PCDHA3: variants seen among roughly 807,000 people sequenced by gnomAD.
PCDHA3 encodes the protein protocadherin alpha-3.
In PCDHA3, 41 loss-of-function variants were observed where a neutral mutation model predicts 62.2. The ratio of observed to expected loss-of-function variants is 0.66; its 90% CI spans 0.51 to 0.86. The LOEUF (loss-of-function observed/expected upper bound fraction) is 0.86. Ranked by LOEUF, PCDHA3 falls within the 40% of genes least tolerant of loss-of-function variation. PCDHA3 has a pLI of 0.00. For missense variants in PCDHA3, 1,304 were observed against 1,241.2 expected (o/e 1.05, Z -0.76); for synonymous variants, 640 against 555.4 (o/e 1.15, Z -2.14).
chr5:140,967,670 G>A (rs1554229754), intron 1 of PCDHA3: 1 of 1,614,092 alleles, frequency 6.2e-7, no homozygotes, highest in Non-Finnish European at 8.5e-7. Flanking sequence ...CTACACGTCG[G>A]ACCGGGAGAG....
chr5:140,836,380 T>C (rs1554135890), intron 1 of PCDHA3: 1 of 1,613,746 alleles, frequency 6.2e-7, no homozygotes. Flanking sequence ...GCCACCGTGC[T>C]GGTGTCGCTG....
At chr5:140,891,855 C>T (rs1282802499) in intron 1 of PCDHA3, among the ~76,000 whole-genome samples, 1 of 152,156 alleles carries the variant, frequency 6.6e-6, no homozygotes, top group Admixed American at 6.6e-5. Flanking sequence ...GAGCCTGTCC[C>T]TCTCTTATGC....
chr5:140,946,216 C>T (rs1361042644), intron 1 of PCDHA3, among the ~76,000 whole-genome samples: 1 of 151,868 alleles, frequency 6.6e-6, no homozygotes, highest in Non-Finnish European at 1.5e-5. Flanking sequence ...AAATGACCAA[C>T]AGGTATACTA....
intron 1 of PCDHA3, chr5:140,828,662 C>G: frequency 3.7e-6 from 6 of 1,614,124 alleles, no homozygotes; most frequent in Non-Finnish European, 5.1e-6. Context: ...TGACAATAAA[C>G]AAATTGGGCT....
intron 1 of PCDHA3, chr5:140,857,075 A>G: frequency 6.3e-7 from 1 of 1,597,052 alleles, no homozygotes; most frequent in African/African-American, 1.3e-5. Context: ...ACTGGATGAA[A>G]ATGATAATTC....
chr5:140,875,246 C>A (rs2055373842), intron 1 of PCDHA3: 3 of 955,372 alleles, frequency 3.1e-6, no homozygotes, highest in Non-Finnish European at 4.4e-6. Flanking sequence ...CTTACATAAT[C>A]AGTCACATGA....
At chr5:140,834,629 C>A (rs2150222976) in intron 1 of PCDHA3, 3 of 1,614,154 alleles carry the variant, frequency 1.9e-6, no homozygotes, top group Non-Finnish European at 2.5e-6. Flanking sequence ...TGCAGAATGG[C>A]ATTTTGTTTG....
intron 1 of PCDHA3, among the ~76,000 whole-genome samples, chr5:140,840,971 G>A (rs1237845348): frequency 6.6e-6 from 1 of 152,000 alleles, no homozygotes; most frequent in African/African-American, 2.4e-5. Flanking sequence ...TCCTTATGAA[G>A]AAGAAATCCC....
At chr5:140,925,108 G>GGAAGGAA (rs1554202548) in intron 1 of PCDHA3, among the ~76,000 whole-genome samples, 42 of 124,700 alleles carry the variant, frequency 3.4e-4, no homozygotes, top group African/African-American at 1.4e-3. Context: ...GAAGGAAGGA[G>GGAAGGAA]GGAAGGAAGG....
chr5:140,991,308 C>T (rs374484318), intron 3 of PCDHA3, among the ~76,000 whole-genome samples: 1 of 152,282 alleles, frequency 6.6e-6, no homozygotes, highest in South Asian at 2.1e-4. Flanking sequence ...ATTATCTTGT[C>T]CCGCATGATA....
chr5:140,824,549 T>C, intron 1 of PCDHA3: 1 of 178,800 alleles, frequency 5.6e-6, no homozygotes, highest in South Asian at 1.5e-4. Context: ...ACTCCTGGGC[T>C]CAAGTGATCC....
intron 1 of PCDHA3, chr5:140,823,348 G>T (rs2150124872): frequency 1.2e-6 from 2 of 1,612,460 alleles, no homozygotes; most frequent in Non-Finnish European, 1.7e-6. Flanking sequence ...GCTGGACCAC[G>T]AGGAAGTGGA....
chr5:140,967,628 T>C (rs1341456967), intron 1 of PCDHA3: 3 of 1,613,984 alleles, frequency 1.9e-6, no homozygotes, highest in Non-Finnish European at 2.5e-6. Context: ...GGATGAGGGC[T>C]CCAATGGTGA....
intron 1 of PCDHA3, chr5:140,883,270 T>C: frequency 6.2e-7 from 1 of 1,614,106 alleles, no homozygotes; most frequent in Non-Finnish European, 8.5e-7. Flanking sequence ...CGGGTCATTG[T>C]ACCCTTTTGG....
intron 1 of PCDHA3, among the ~76,000 whole-genome samples, chr5:140,917,163 G>A (rs948639951): frequency 6.6e-6 from 1 of 152,182 alleles, no homozygotes; most frequent in Admixed American, 6.5e-5. Flanking sequence ...ATATGGGAGG[G>A]GTGATGGTGG....
Position 140,823,152 on chromosome 5 carries a change from T to C in PCDHA3, c.2394+19561T>C, listed in dbSNP as rs148475115. On this transcript the variant is annotated intron_variant, in intron 1 of 3. Transcript: ENST00000522353. ...CTCCGGCGTTCGCGCAGCCCCAGTA[T>C]ACCGTGTTCGTGAAGGAGAACAACC... 6.2e-6 allele frequency: 10 copies of C among 1,613,648 alleles called. No homozygotes were observed. In the African/African-American group the frequency reaches 8.0e-5, roughly 13 times the overall value.
chr5:141,001,370 T>G (rs1187805238), intron 3 of PCDHA3, among the ~76,000 whole-genome samples: 1 of 152,218 alleles, frequency 6.6e-6, no homozygotes, highest in African/African-American at 2.4e-5. Context: ...ACTATTCTGA[T>G]TACAGAGCCT....
chr5:140,823,431 G>A, intron 1 of PCDHA3: 1 of 1,613,396 alleles, frequency 6.2e-7, no homozygotes, highest in Non-Finnish European at 8.5e-7. Context: ...CGCTGCAGGT[G>A]TTCGTGCTGG....
chr5:140,868,356 T>A (rs1465427202), intron 1 of PCDHA3: 1 of 152,118 alleles, frequency 6.6e-6, no homozygotes, highest in Non-Finnish European at 1.5e-5. Flanking sequence ...AGAAAGCAAT[T>A]AAATGTAAAT....
Sources: allele counts gnomAD v4.1 joint callset (sites outside exome capture counted in the v4.1 genomes callset), GRCh38; gene constraint gnomAD v4.1.1; transcripts MANE v1.5; gene names NCBI Gene and HGNC (gene_info 2026-07-23, HGNC 2026-07-21).